GLRA3: variants seen among roughly 807,000 people sequenced by gnomAD.
GLRA3 encodes glycine receptor alpha 3, also known as glycine receptor subunit alpha-3.
In GLRA3, 44 loss-of-function variants were observed where a neutral mutation model predicts 60.4. The ratio of observed to expected loss-of-function variants is 0.73; its 90% confidence interval spans 0.57 to 0.94. GLRA3 has a LOEUF of 0.94. Among genes scored for constraint, GLRA3 ranks in the 40% least tolerant of loss-of-function variants. GLRA3 has a pLI of 0.00. For missense variants in GLRA3, 508 were observed against 564.6 expected (o/e 0.90, Z 1.02); for synonymous variants, 223 against 192.9 (o/e 1.16, Z -1.29).
chr4:174,786,957 T>C (rs1021171579), intron 2 of GLRA3, among the ~76,000 whole-genome samples: 3 of 152,152 alleles, frequency 2.0e-5, no homozygotes, highest in Non-Finnish European at 4.4e-5. Context: ...CAGCTTGTTT[T>C]TAGGAATACA....
intron 9 of GLRA3, among the ~76,000 whole-genome samples, chr4:174,645,734 G>A (rs996988068): frequency 6.6e-6 from 1 of 152,086 alleles, no homozygotes; most frequent in Admixed American, 6.6e-5. Context: ...GACTACTGTT[G>A]TAAGCTCGCA....
intron 1 of GLRA3, among the ~76,000 whole-genome samples, chr4:174,820,926 C>T (rs1166758544): frequency 1.3e-5 from 2 of 151,862 alleles, no homozygotes; most frequent in Non-Finnish European, 2.9e-5. Context: ...TTCATAGTAA[C>T]ATTACTGTCA....
chr4:174,772,013 CT>C (rs1312332481), intron 2 of GLRA3, among the ~76,000 whole-genome samples: 4 of 152,264 alleles, frequency 2.6e-5, no homozygotes, highest in African/African-American at 9.6e-5. Flanking sequence ...CATTAAGGTT[CT>C]GAAAGGAGCA....
At chr4:174,783,786 G>C (rs1174181716) in intron 2 of GLRA3, among the ~76,000 whole-genome samples, 1 of 151,440 alleles carries the variant, frequency 6.6e-6, no homozygotes, top group Non-Finnish European at 1.5e-5. Context: ...TCTCACACCA[G>C]TTAGAGTGGC....
chr4:174,656,651 C>T, intron 9 of GLRA3, 92 bp downstream of exon 9: 2 of 670,392 alleles, frequency 3.0e-6, no homozygotes, highest in East Asian at 2.7e-5. Context: ...CTGTGTTTCC[C>T]CACCAAACAC....
intron 7 of GLRA3, among the ~76,000 whole-genome samples, chr4:174,676,755 G>T (rs966301856): frequency 3.8e-4 from 58 of 151,960 alleles, no homozygotes; most frequent in African/African-American, 1.4e-3. Context: ...TTACCATGTA[G>T]ATTCAACTTA....
At chr4:174,667,240 C>A (rs1051862780) in intron 7 of GLRA3, among the ~76,000 whole-genome samples, 1 of 152,028 alleles carries the variant, frequency 6.6e-6, no homozygotes. Context: ...AGATGTAATC[C>A]TACCACATGC....
chr4:174,759,630 T>A (rs1289769579), intron 3 of GLRA3, among the ~76,000 whole-genome samples: 4 of 152,120 alleles, frequency 2.6e-5, no homozygotes, highest in Non-Finnish European at 5.9e-5. Context: ...ACAGAATTTT[T>A]AAACTGTGTG....
Position 174,789,662 on chromosome 4 carries a change from T to C in GLRA3, c.72-719A>G, listed in dbSNP as rs79100108. On this transcript the variant is annotated intron_variant, in intron 1 of 9. Coordinates refer to ENST00000274093, the MANE Select transcript of GLRA3 (RefSeq NM_006529.4). Reference sequence around the variant, plus strand: ...AATTTTTTCCTTTGTGTCCAGCCACTTATCCTAGAAACCCATAGTGTAGGC... The same window carrying C: ...AATTTTTTCCTTTGTGTCCAGCCACCTATCCTAGAAACCCATAGTGTAGGC... Among the ~76,000 whole-genome samples the C allele has an allele frequency of 2.8e-3, 424 of 152,332 alleles. 15 individuals carry two copies. The East Asian group carries it at 0.073, about 26-fold the overall frequency.
At chr4:174,752,935 C>T (rs1184739204) in intron 3 of GLRA3, among the ~76,000 whole-genome samples, 1 of 152,076 alleles carries the variant, frequency 6.6e-6, no homozygotes, top group Non-Finnish European at 1.5e-5. Flanking sequence ...ATAGTACTAC[C>T]TTTGTGACAG....
Position 174,723,910 on chromosome 4 carries a change from C to A in GLRA3, c.491+4565G>T, listed in dbSNP as rs146893644. ...TCAAACAATATAAAATTACATATAG[C>A]AAAATGTACAGTTCCCCTTTATTCC... On this transcript the variant is annotated intron_variant, in intron 4 of 9. Transcript: ENST00000274093. 2.0e-4 allele frequency among the ~76,000 whole-genome samples: 31 copies of A among 151,852 alleles called. 1 individual carries two copies. The East Asian group carries it at 6.0e-3, about 29-fold the overall frequency.
intron 9 of GLRA3, among the ~76,000 whole-genome samples, chr4:174,654,996 C>A (rs1018095807): frequency 3.9e-5 from 6 of 152,114 alleles, no homozygotes; most frequent in Non-Finnish European, 8.8e-5. Context: ...AATAACTAAG[C>A]CAATGCTGAG....
At chr4:174,647,122 G>T (rs1009904347) in intron 9 of GLRA3, among the ~76,000 whole-genome samples, 44 of 152,110 alleles carry the variant, frequency 2.9e-4, no homozygotes, top group Non-Finnish European at 3.5e-4. Flanking sequence ...TAATAATTTC[G>T]GGGGCTGGGG....
At chr4:174,660,390 A>G (rs1169951675) in intron 7 of GLRA3, among the ~76,000 whole-genome samples, 1 of 152,134 alleles carries the variant, frequency 6.6e-6, no homozygotes, top group Non-Finnish European at 1.5e-5. Context: ...TGATGAGTAC[A>G]GGCCAGTTAT....
At chr4:174,824,377 C>T (rs1389947324) in intron 1 of GLRA3, among the ~76,000 whole-genome samples, 1 of 152,118 alleles carries the variant, frequency 6.6e-6, no homozygotes, top group Non-Finnish European at 1.5e-5. Flanking sequence ...GAGGTAAACA[C>T]TACCTCTGAA....
At chr4:174,796,896 C>T (rs1449526512) in intron 1 of GLRA3, among the ~76,000 whole-genome samples, 1 of 152,114 alleles carries the variant, frequency 6.6e-6, no homozygotes, top group Non-Finnish European at 1.5e-5. Context: ...CAGCTAAACT[C>T]TTACTTTAAT....
intron 7 of GLRA3, among the ~76,000 whole-genome samples, chr4:174,659,829 G>C (rs62331983): frequency 6.6e-6 from 1 of 151,616 alleles, no homozygotes; most frequent in African/African-American, 2.4e-5. Flanking sequence ...AAAATTAGCC[G>C]GGTGTGGTGG....
chr4:174,706,122 C>A (rs765414905), intron 5 of GLRA3, among the ~76,000 whole-genome samples: 1 of 151,572 alleles, frequency 6.6e-6, no homozygotes, highest in Non-Finnish European at 1.5e-5. Context: ...CCCAGCTACT[C>A]GGGAGGCTGA....
At chr4:174,823,215 C>A (rs1413672113) in intron 1 of GLRA3, among the ~76,000 whole-genome samples, 2 of 144,134 alleles carry the variant, frequency 1.4e-5, no homozygotes. Flanking sequence ...GTACCATCCA[C>A]CTAATAAAAA....
Sources: gnomAD v4.1 joint callset for allele counts (sites outside exome capture counted in the v4.1 genomes callset) on GRCh38, gnomAD v4.1.1 for gene constraint, MANE v1.5 for transcripts, NCBI Gene and HGNC (gene_info 2026-07-23, HGNC 2026-07-21) for gene names.